COL8A1: variants seen among roughly 807,000 people sequenced by gnomAD.
The protein encoded by COL8A1 is collagen type VIII alpha 1 chain.
In COL8A1, 21 loss-of-function variants were observed where a neutral mutation model predicts 42.7. The observed-to-expected ratio is 0.49, with a 90% CI of 0.35 to 0.71. The LOEUF is 0.71. Among genes scored for constraint, COL8A1 ranks in the 30% least tolerant of loss-of-function variants. The probability of loss-of-function intolerance (pLI) is 0.01; values close to 1 mark genes in which losing one functional copy is unlikely to be tolerated. For missense variants in COL8A1, 788 were observed against 962.4 expected, an observed-to-expected ratio of 0.82 and a Z score of 2.40; for synonymous variants, 367 against 369.1, an observed-to-expected ratio of 0.99 and a Z score of 0.06.
intron 2 of COL8A1, among the ~76,000 whole-genome samples, chr3:99,768,951 A>G (rs1205582556): frequency 6.6e-6 from 1 of 152,228 alleles, no homozygotes; most frequent in Non-Finnish European, 1.5e-5. Context: ...ATCAGAGAGT[A>G]CTTGCATTTC....
At chr3:99,682,135 C>T (rs759294259) in intron 1 of COL8A1, among the ~76,000 whole-genome samples, 2 of 152,156 alleles carry the variant, frequency 1.3e-5, no homozygotes, top group Non-Finnish European at 2.9e-5. Flanking sequence ...GAAGTGCCGG[C>T]CGGGTTCGGT....
intron 1 of COL8A1, among the ~76,000 whole-genome samples, chr3:99,731,017 T>A (rs1370292699): frequency 6.6e-6 from 1 of 152,148 alleles, no homozygotes; most frequent in African/African-American, 2.4e-5. Flanking sequence ...GTAAGGAGTC[T>A]AGTAAATATT....
intron 1 of COL8A1, among the ~76,000 whole-genome samples, chr3:99,668,948 C>T (rs1039113681): frequency 6.6e-6 from 1 of 151,572 alleles, no homozygotes; most frequent in Middle Eastern, 3.2e-3. Context: ...TTTATTATAT[C>T]GCAGCTTTAG....
At chr3:99,696,942 C>T (rs1212149748) in intron 1 of COL8A1, among the ~76,000 whole-genome samples, 1 of 150,166 alleles carries the variant, frequency 6.7e-6, no homozygotes, top group Non-Finnish European at 1.5e-5. Context: ...TAATTTAGTC[C>T]ATTTGCTATA....
intron 1 of COL8A1, among the ~76,000 whole-genome samples, chr3:99,645,580 C>T (rs1003057691): frequency 6.6e-6 from 1 of 151,866 alleles, no homozygotes; most frequent in Admixed American, 6.6e-5. Context: ...CTGATCTGGT[C>T]CCAGAAGGGG....
At chr3:99,660,183 GA>G (rs1368592621) in intron 1 of COL8A1, among the ~76,000 whole-genome samples, 1 of 152,140 alleles carries the variant, frequency 6.6e-6, no homozygotes, top group African/African-American at 2.4e-5. Context: ...TTCCAGCGGG[GA>G]AAGAAGAGGA....
intron 1 of COL8A1, among the ~76,000 whole-genome samples, chr3:99,717,608 G>A (rs966796082): frequency 1.3e-5 from 2 of 152,010 alleles, no homozygotes; most frequent in Non-Finnish European, 2.9e-5. Flanking sequence ...GTTGAAAACT[G>A]AGCCCTCACC....
chr3:99,763,096 A>C (rs928850692), intron 2 of COL8A1, among the ~76,000 whole-genome samples: 1 of 152,190 alleles, frequency 6.6e-6, no homozygotes, highest in African/African-American at 2.4e-5. Flanking sequence ...ATCACTAAGG[A>C]TTATGTAACT....
intron 1 of COL8A1, among the ~76,000 whole-genome samples, chr3:99,658,790 C>T (rs575010775): frequency 1.3e-5 from 2 of 152,286 alleles, no homozygotes; most frequent in South Asian, 2.1e-4. Flanking sequence ...CAGTGCAAGG[C>T]GGGAAGAACA....
chr3:99,737,079 T>G (rs1940744926), intron 1 of COL8A1, among the ~76,000 whole-genome samples: 1 of 152,186 alleles, frequency 6.6e-6, no homozygotes, highest in Admixed American at 6.5e-5. Context: ...GTTTTCCATT[T>G]GCTTGGTAGA....
intron 1 of COL8A1, among the ~76,000 whole-genome samples, chr3:99,696,925 C>G (rs922999071): frequency 6.7e-6 from 1 of 149,506 alleles, no homozygotes; most frequent in African/African-American, 2.5e-5. Flanking sequence ...ACAAAAATAA[C>G]TTGTTGTAAT....
chr3:99,732,670 C>A (rs969766521), intron 1 of COL8A1, among the ~76,000 whole-genome samples: 3 of 152,068 alleles, frequency 2.0e-5, no homozygotes, highest in African/African-American at 7.2e-5. Context: ...CAAACCATAT[C>A]ATTCTGCCCC....
At chr3:99,727,554 T>C (rs1940371525) in intron 1 of COL8A1, among the ~76,000 whole-genome samples, 1 of 151,944 alleles carries the variant, frequency 6.6e-6, no homozygotes, top group Non-Finnish European at 1.5e-5. Flanking sequence ...CCAGCACCAT[T>C]TATTAAATAG....
chr3:99,757,528 C>A (rs1038412202), intron 2 of COL8A1, among the ~76,000 whole-genome samples: 1 of 152,178 alleles, frequency 6.6e-6, no homozygotes, highest in Non-Finnish European at 1.5e-5. Context: ...AAGATGACTT[C>A]TTTTGACTGC....
chr3:99,642,106 C>T (rs555847530), intron 1 of COL8A1, among the ~76,000 whole-genome samples: 10 of 152,226 alleles, frequency 6.6e-5, no homozygotes, highest in African/African-American at 2.2e-4. Context: ...GCAGGTTACA[C>T]CCCACACTAC....
At chr3:99,704,506 G>T (rs185447341) in intron 1 of COL8A1, among the ~76,000 whole-genome samples, 133 of 152,164 alleles carry the variant, frequency 8.7e-4, no homozygotes, top group South Asian at 2.1e-3. Context: ...TGGTGTGAAG[G>T]CTTATATCTT....
chr3:99,719,845 G>A (rs1350062598), intron 1 of COL8A1, among the ~76,000 whole-genome samples: 1 of 152,094 alleles, frequency 6.6e-6, no homozygotes, highest in Non-Finnish European at 1.5e-5. Context: ...TCTAACAGCA[G>A]TGAGGCAATG....
At chr3:99,711,746 T>G (rs753394506) in intron 1 of COL8A1, among the ~76,000 whole-genome samples, 62 of 152,042 alleles carry the variant, frequency 4.1e-4, no homozygotes, top group Non-Finnish European at 6.8e-4. Context: ...ACTTTGAGAG[T>G]AGAGAGAGAG....
At chr3:99,775,191 A>C (rs1188898956) in intron 2 of COL8A1, among the ~76,000 whole-genome samples, 1 of 152,160 alleles carries the variant, frequency 6.6e-6, no homozygotes, top group Admixed American at 6.5e-5. Context: ...TACCAATATG[A>C]CACAGCAGAA....
Sources: gnomAD v4.1 joint callset for allele counts (sites outside exome capture counted in the v4.1 genomes callset) on GRCh38, gnomAD v4.1.1 for gene constraint, MANE v1.5 for transcripts, NCBI Gene and HGNC (gene_info 2026-07-23, HGNC 2026-07-21) for gene names.